The following GPR155 variants were observed in gnomAD, a reference collection of about 807,000 sequenced individuals.
The protein encoded by GPR155 is lysosomal cholesterol signaling protein.
In GPR155, 65 loss-of-function variants were observed where a neutral mutation model predicts 93.1. The ratio of observed to expected loss-of-function variants is 0.70; its 90% CI spans 0.57 to 0.86. The LOEUF (loss-of-function observed/expected upper bound fraction) is 0.86. Ranked by LOEUF, GPR155 falls within the 40% of genes least tolerant of loss-of-function variation. GPR155 has a pLI of 0.00. For missense variants in GPR155, 838 were observed against 1,034.8 expected (o/e 0.81, Z 2.61); for synonymous variants, 319 against 360.1 (o/e 0.89, Z 1.29).
rs755729964 is a variant in GPR155 at position 174,436,304 on chromosome 2, G to A, written c.2425C>T (p.Leu809=). The change falls in exon 16 of 16, where the codon CTG becomes TTG. Residue 809 remains leucine, a synonymous_variant. Transcript: ENST00000392552. ...RGEAVIYGDR[L]VQGGVIQHIT... is the part of the protein sequence containing the mutation. ...TGTTGGATGACTCCCCCTTGTACCA[G>A]CCTGTCTCCGTATATCACAGCTTCA... is the stretch of plus-strand genomic sequence containing the variant. 1.9e-6 allele frequency: 3 copies of A among 1,614,072 alleles called. No individual in the cohort carries two copies. Among genetic ancestry groups the A allele is most frequent in the Non-Finnish European group, 2.5e-6 (3 of 1,179,958 alleles).
intron 3 of GPR155, 125 bp from the exon 4 acceptor site, chr2:174,470,680 T>G: frequency 5.9e-6 from 4 of 681,978 alleles, no homozygotes; most frequent in Non-Finnish European, 9.7e-6. Flanking sequence ...TGCATGCACA[T>G]ATTCTGTGCA....
chr2:174,463,236 G>A (rs1017922573), intron 7 of GPR155, among the ~76,000 whole-genome samples: 1 of 151,666 alleles, frequency 6.6e-6, no homozygotes, highest in Admixed American at 6.6e-5. Context: ...TTAGAGATGG[G>A]GGTCTCACTT....
At chr2:174,454,958 C>T (rs936571422) in intron 10 of GPR155, among the ~76,000 whole-genome samples, 17 of 152,056 alleles carry the variant, frequency 1.1e-4, no homozygotes, top group African/African-American at 4.1e-4. Flanking sequence ...ATGGGGTCAA[C>T]AGGTACAAAG....
At chr2:174,480,967 C>T (rs937638232) in intron 2 of GPR155, among the ~76,000 whole-genome samples, 4 of 151,988 alleles carry the variant, frequency 2.6e-5, no homozygotes, top group African/African-American at 4.8e-5. Context: ...TTTATACAGA[C>T]GAGGTTTCAC....
intron 14 of GPR155, among the ~76,000 whole-genome samples, chr2:174,440,472 A>C (rs1488036061): frequency 6.6e-6 from 1 of 152,144 alleles, no homozygotes; most frequent in Non-Finnish European, 1.5e-5. Context: ...GGAGTACGAA[A>C]CAGTTTTGTT....
At chr2:174,474,057 G>A (rs1688075344) in intron 2 of GPR155, among the ~76,000 whole-genome samples, 1 of 152,180 alleles carries the variant, frequency 6.6e-6, no homozygotes, top group African/African-American at 2.4e-5. Context: ...AGAAGAGGAG[G>A]TCAAGGAAAT....
intron 4 of GPR155, 144 bp from the exon 5 acceptor site, chr2:174,469,211 C>T (rs561615215): frequency 1.6e-6 from 1 of 612,602 alleles, no homozygotes; most frequent in Non-Finnish European, 2.8e-6. Context: ...TTATCCAATA[C>T]CATACTTCCC....
intron 2 of GPR155, among the ~76,000 whole-genome samples, chr2:174,477,178 ATTTTT>A (rs1316319993): frequency 6.6e-6 from 1 of 152,000 alleles, no homozygotes; most frequent in Non-Finnish European, 1.5e-5. Flanking sequence ...TTAAAACTTT[ATTTTT>A]AATTGACAAA....
intron 11 of GPR155, among the ~76,000 whole-genome samples, chr2:174,448,662 C>A (rs1261240117): frequency 6.7e-6 from 1 of 150,296 alleles, no homozygotes; most frequent in Non-Finnish European, 1.5e-5. Context: ...CTCAGCCTCC[C>A]GAGTAGCTGG....
At chr2:174,439,077 C>A (rs999721928) in intron 15 of GPR155, among the ~76,000 whole-genome samples, 3 of 152,190 alleles carry the variant, frequency 2.0e-5, no homozygotes, top group South Asian at 2.1e-4. Context: ...TATTAGTCCA[C>A]ACCCACTGCA....
rs778720359 is a variant in GPR155, at chr2:174,436,326, T to C, written c.2403A>G (p.Glu801=). ...CCAGCCTGTCTCCGTATATCACAGC[T>C]TCACCACGGTCGGAGGCAAGGCCGA... ...IEVGLASDRG[E]AVIYGDRLVQ... Residue 801 remains glutamate (E), a synonymous_variant, in exon 16 of 16, where the codon GAA becomes GAG. Transcript: ENST00000392552. 6.2e-7 allele frequency: 1 copy of C among 1,614,146 alleles called. No individual in the cohort carries two copies. The highest frequency in any genetic ancestry group is 1.1e-5 in the South Asian group (1 of 91,086).
At chr2:174,437,989 G>A (rs923652243) in intron 15 of GPR155, among the ~76,000 whole-genome samples, 2 of 151,432 alleles carry the variant, frequency 1.3e-5, no homozygotes, top group Non-Finnish European at 2.9e-5. Flanking sequence ...GGTGGCTCAC[G>A]CTTGTAATCC....
chr2:174,445,348 T>C (rs780607792), intron 12 of GPR155, 172 bp from the exon 13 acceptor site: 3 of 552,762 alleles, frequency 5.4e-6, no homozygotes, highest in South Asian at 4.5e-5. Flanking sequence ...AGTTTCAACC[T>C]CTCCTCCTGA....
rs1687639356 is a variant in GPR155, at chr2:174,460,030, A to G, written c.1619T>C (p.Met540Thr). 6.2e-7 allele frequency: 1 copy of G among 1,613,938 alleles called. No homozygotes were observed. Among genetic ancestry groups the G allele is most frequent in the Non-Finnish European group, 8.5e-7 (1 of 1,180,010 alleles). ...CSILIAGISLMCMNQTAQAGS... is the reference protein window; with the variant it reads ...CSILIAGISLTCMNQTAQAGS... Reference sequence around the variant, plus strand: ...TGCTTGGGCAGTCTGGTTCATGCACATGAGGGATATGCCAGCTATCAGGAT... The same window carrying G: ...TGCTTGGGCAGTCTGGTTCATGCACGTGAGGGATATGCCAGCTATCAGGAT... Residue 540 changes from methionine to threonine, a missense_variant, in exon 10 of 16, where the codon ATG (methionine) becomes ACG (threonine). Coordinates refer to ENST00000392552, the MANE Select transcript of GPR155 (RefSeq NM_152529.7).
At chr2:174,444,047 A>G (rs964449294) in intron 13 of GPR155, among the ~76,000 whole-genome samples, 7 of 152,212 alleles carry the variant, frequency 4.6e-5, no homozygotes, top group Admixed American at 3.9e-4. Flanking sequence ...TTTATATACC[A>G]CATGATTTTT....
intron 11 of GPR155, among the ~76,000 whole-genome samples, chr2:174,447,948 T>C (rs1450678820): frequency 1.3e-5 from 2 of 151,734 alleles, no homozygotes; most frequent in Non-Finnish European, 2.9e-5. Context: ...ATATTAGTCA[T>C]GAATACCCTA....
Position 174,440,929 on chromosome 2 carries a change from G to A in GPR155, c.2175-894C>T, listed in dbSNP as rs192518891. 2.0e-3 allele frequency among the ~76,000 whole-genome samples: 302 copies of A among 152,270 alleles called. 2 individuals carry two copies. The highest frequency in any genetic ancestry group is 0.018 in the Admixed American group (275 of 15,280). ...TGTCAGTTTGATAAAAAGAGAAATT[G>A]TGTTGTCAAAGGAGACAGACAATCA... is the stretch of plus-strand genomic sequence containing the variant. On this transcript the variant is annotated intron_variant, in intron 14 of 15. Coordinates refer to ENST00000392552, the MANE Select transcript of GPR155 (RefSeq NM_152529.7).
At position 174,461,586 on chromosome 2, in the gene GPR155, A is replaced by G; in HGVS notation, c.1469+2T>C. The G allele has an allele frequency of 6.2e-7, 1 of 1,602,146 alleles. No homozygotes were observed. The highest frequency in any genetic ancestry group is 8.6e-7 in the Non-Finnish European group (1 of 1,169,318). ...TAAGCAAACAGAGAACTACCAACTT[A>G]CCCCCAGCCAGATATTATGATTATT... On this transcript the variant is annotated splice_donor_variant, in intron 8 of 15. Coordinates refer to ENST00000392552, the MANE Select transcript of GPR155 (RefSeq NM_152529.7). LOFTEE classifies it high-confidence loss of function.
chr2:174,435,351 A>G lies in GPR155; in HGVS notation c.*765T>C, dbSNP rs1686744673. On this transcript the variant is annotated 3_prime_UTR_variant, in exon 16 of 16. Transcript: ENST00000392552. ...CCCTAAACAATACAGTATAACAACA[A>G]CTATTTACATAGCATTTACATTGTA... 6.6e-6 allele frequency: 1 copy of G among 152,222 alleles called. No individual in the cohort carries two copies. Among genetic ancestry groups the G allele is most frequent in the African/African-American group, 2.4e-5 (1 of 41,452 alleles). The allele number at this position is 152,222 out of a possible 1,614,324, so 9.4% of individuals were successfully genotyped here.
Sources: allele counts gnomAD v4.1 joint callset (sites outside exome capture counted in the v4.1 genomes callset), GRCh38; gene constraint gnomAD v4.1.1; transcripts MANE v1.5; gene names NCBI Gene and HGNC (gene_info 2026-07-23, HGNC 2026-07-21).